Variants in ASTN2 observed in about 807,000 individuals in gnomAD.
ASTN2 encodes the protein astrotactin 2.
Under a neutral mutation model 139.8 loss-of-function variants are expected in ASTN2, and 54 were observed. The observed-to-expected ratio is 0.39, with a 90% CI of 0.31 to 0.48. The LOEUF is 0.48. ASTN2 is among the 20% of genes least tolerant of loss of function. ASTN2 has a pLI of 0.95. For synonymous variants in ASTN2, 756 were observed against 719.5 expected (o/e 1.05, Z -0.81); for missense variants, 1,565 against 1,725.1 (o/e 0.91, Z 1.64).
intron 4 of ASTN2, among the ~76,000 whole-genome samples, chr9:117,107,946 T>C (rs182326478): frequency 1.3e-5 from 2 of 152,324 alleles, no homozygotes; most frequent in African/African-American, 4.8e-5. Flanking sequence ...ATTCCCTGAC[T>C]ACAGGCCCTT....
intron 16 of ASTN2, chr9:116,697,551 T>A (rs1474153121): frequency 1.6e-5 from 11 of 707,198 alleles, no homozygotes; most frequent in Non-Finnish European, 2.5e-5. Context: ...AAATAGTTGT[T>A]AAGTAAGGGA....
At chr9:117,139,299 A>G (rs1830019639) in intron 4 of ASTN2, among the ~76,000 whole-genome samples, 1 of 152,216 alleles carries the variant, frequency 6.6e-6, no homozygotes, top group Admixed American at 6.5e-5. Context: ...GGTCTTCACA[A>G]TAATCTTCTG....
chr9:116,959,171 G>A (rs1189878882), intron 10 of ASTN2, among the ~76,000 whole-genome samples: 1 of 152,152 alleles, frequency 6.6e-6, no homozygotes, highest in Non-Finnish European at 1.5e-5. Flanking sequence ...AGGAGAAAGG[G>A]CTTCTACAAT....
At chr9:117,256,510 A>G (rs1381834772) in intron 2 of ASTN2, among the ~76,000 whole-genome samples, 3 of 152,202 alleles carry the variant, frequency 2.0e-5, no homozygotes, top group Admixed American at 2.0e-4. Context: ...AGATTAAAAC[A>G]GTTGCCAAGA....
chr9:116,586,741 T>G (rs1007171712), intron 19 of ASTN2, among the ~76,000 whole-genome samples: 1 of 151,450 alleles, frequency 6.6e-6, no homozygotes, highest in Non-Finnish European at 1.5e-5. Context: ...CTCAGCATCA[T>G]GTAGTAGAGC....
chr9:116,622,150 A>G (rs1352094645), intron 17 of ASTN2, among the ~76,000 whole-genome samples: 1 of 152,244 alleles, frequency 6.6e-6, no homozygotes, highest in African/African-American at 2.4e-5. Flanking sequence ...ATTGTCTAAA[A>G]GACTCAAGTA....
intron 4 of ASTN2, among the ~76,000 whole-genome samples, chr9:117,115,623 T>C (rs1295865361): frequency 6.6e-6 from 1 of 152,162 alleles, no homozygotes; most frequent in African/African-American, 2.4e-5. Flanking sequence ...GGACAACAAA[T>C]AGCTGTAGTT....
intron 5 of ASTN2, among the ~76,000 whole-genome samples, chr9:117,084,811 A>G (rs535301467): frequency 1.2e-4 from 19 of 152,370 alleles, no homozygotes; most frequent in Non-Finnish European, 2.5e-4. Flanking sequence ...GCTGGCTAAT[A>G]TTAAATGATT....
chr9:116,904,612 A>G (rs1190228020), intron 10 of ASTN2, among the ~76,000 whole-genome samples: 1 of 152,206 alleles, frequency 6.6e-6, no homozygotes, highest in Non-Finnish European at 1.5e-5. Context: ...ACAAAGATCA[A>G]ATGAGTTCAT....
chr9:116,784,317 AAC>A (rs1830303335), intron 13 of ASTN2, among the ~76,000 whole-genome samples: 1 of 152,224 alleles, frequency 6.6e-6, no homozygotes, highest in African/African-American at 2.4e-5. Context: ...GAACAGATAT[AAC>A]ACTGGCTCTT....
At chr9:117,248,779 G>T (rs1054163509) in intron 2 of ASTN2, among the ~76,000 whole-genome samples, 1 of 152,198 alleles carries the variant, frequency 6.6e-6, no homozygotes, top group Non-Finnish European at 1.5e-5. Flanking sequence ...AAAGGTAAAG[G>T]ACATGTAGGA....
At chr9:116,839,447 T>C (rs1451329578) in intron 11 of ASTN2, among the ~76,000 whole-genome samples, 2 of 151,992 alleles carry the variant, frequency 1.3e-5, no homozygotes, top group African/African-American at 4.8e-5. Context: ...AGCACCGTGA[T>C]CCAATATTTA....
At chr9:116,654,062 C>G (rs2131936251) in intron 16 of ASTN2, among the ~76,000 whole-genome samples, 1 of 152,300 alleles carries the variant, frequency 6.6e-6, no homozygotes, top group East Asian at 1.9e-4. Context: ...GGAAAGATGA[C>G]TTCAAACTTG....
chr9:117,261,837 C>T (rs1588143222), intron 2 of ASTN2, among the ~76,000 whole-genome samples: 2 of 152,086 alleles, frequency 1.3e-5, no homozygotes, highest in African/African-American at 4.8e-5. Context: ...TTGCTTTTCT[C>T]AAAGCAAAGT....
At chr9:117,294,312 G>A (rs1402799816) in intron 1 of ASTN2, among the ~76,000 whole-genome samples, 4 of 152,230 alleles carry the variant, frequency 2.6e-5, no homozygotes, top group Admixed American at 2.0e-4. Context: ...GACAGTAAAC[G>A]TTAAATGATA....
chr9:116,749,640 T>C (rs1012157587), intron 13 of ASTN2, among the ~76,000 whole-genome samples: 3 of 152,172 alleles, frequency 2.0e-5, no homozygotes, highest in Admixed American at 1.3e-4. Context: ...CTAACTGATA[T>C]GGTTTGGATG....
intron 16 of ASTN2, among the ~76,000 whole-genome samples, chr9:116,711,260 A>C (rs964353902): frequency 2.0e-5 from 3 of 152,224 alleles, no homozygotes; most frequent in Non-Finnish European, 2.9e-5. Flanking sequence ...TATGTACTAC[A>C]ACTACTCTTC....
intron 12 of ASTN2, among the ~76,000 whole-genome samples, chr9:116,812,029 TATC>T (rs1451044937): frequency 1.3e-5 from 2 of 152,214 alleles, no homozygotes; most frequent in East Asian, 1.9e-4. Flanking sequence ...CATGTGGAAT[TATC>T]ATATAGAAGT....
chr9:117,258,890 G>C (rs1208279095), intron 2 of ASTN2, among the ~76,000 whole-genome samples: 1 of 152,118 alleles, frequency 6.6e-6, no homozygotes, highest in Non-Finnish European at 1.5e-5. Flanking sequence ...AGATCCTGAA[G>C]GGATAGGGAT....
Sources: gnomAD v4.1 joint callset for allele counts (sites outside exome capture counted in the v4.1 genomes callset) on GRCh38, gnomAD v4.1.1 for gene constraint, MANE v1.5 for transcripts, NCBI Gene and HGNC (gene_info 2026-07-23, HGNC 2026-07-21) for gene names.